Variants in CDH13 observed in about 807,000 individuals in gnomAD.
CDH13 encodes the protein cadherin 13, also known as cadherin-13.
A neutral mutation model predicts 63.8 loss-of-function variants in CDH13; 24 were observed. The observed-to-expected ratio is 0.38, with a 90% confidence interval of 0.27 to 0.53. CDH13 has a LOEUF of 0.53. Among genes scored for constraint, CDH13 ranks in the 20% least tolerant of loss-of-function variants. The probability of loss-of-function intolerance (pLI) is 0.85; values close to 1 mark genes in which losing one functional copy is unlikely to be tolerated. For missense variants in CDH13, 1,049 were observed against 903.1 expected (o/e 1.16, Z -2.07); for synonymous variants, 503 against 355.3 (o/e 1.42, Z -4.67).
intron 2 of CDH13, among the ~76,000 whole-genome samples, chr16:82,908,827 C>G (rs555159415): frequency 6.6e-6 from 1 of 152,310 alleles, no homozygotes; most frequent in African/African-American, 2.4e-5. Context: ...ACGGTTGACC[C>G]TTGAACTACA....
intron 8 of CDH13, among the ~76,000 whole-genome samples, chr16:83,606,594 A>T (rs1908352349): frequency 6.6e-6 from 1 of 151,522 alleles, no homozygotes; most frequent in Admixed American, 6.6e-5. Flanking sequence ...TACAAAAATT[A>T]TCCAGGCATG....
chr16:83,562,249 T>C (rs2075722208), intron 7 of CDH13, among the ~76,000 whole-genome samples: 1 of 152,160 alleles, frequency 6.6e-6, no homozygotes, highest in Non-Finnish European at 1.5e-5. Context: ...AAATTCTTGA[T>C]TGTGTTAGTG....
intron 1 of CDH13, among the ~76,000 whole-genome samples, chr16:82,795,514 G>T (rs997045010): frequency 6.6e-6 from 1 of 152,138 alleles, no homozygotes; most frequent in African/African-American, 2.4e-5. Context: ...CTGGCCACCT[G>T]TCCCACATTA....
chr16:83,360,285 G>A (rs1027129765), intron 6 of CDH13, among the ~76,000 whole-genome samples: 3 of 152,184 alleles, frequency 2.0e-5, no homozygotes, highest in Admixed American at 6.5e-5. Flanking sequence ...ACCACGTACG[G>A]AAAATACATC....
rs1050621691 is a variant in CDH13 at position 82,661,273 on chromosome 16, T to C, written c.45+34136T>C. On this transcript the variant is annotated intron_variant, in intron 1 of 13. Transcript: ENST00000567109. ...ACACGCTCTGTCCATTGAAACAGAT[T>C]AGCTCTGATCACAGCTTAATTATGT... Among the ~76,000 whole-genome samples the C allele has an allele frequency of 3.7e-4, 56 of 152,260 alleles. 3 individuals are homozygous for C. The highest frequency in any genetic ancestry group is 6.5e-5 in the Admixed American group (1 of 15,288).
intron 6 of CDH13, among the ~76,000 whole-genome samples, chr16:83,364,513 C>T (rs143665000): frequency 6.6e-6 from 1 of 152,186 alleles, no homozygotes; most frequent in African/African-American, 2.4e-5. Flanking sequence ...TTCACATCTT[C>T]TCTAAGACCA....
intron 7 of CDH13, among the ~76,000 whole-genome samples, chr16:83,588,337 G>A (rs1906379551): frequency 6.6e-6 from 1 of 152,128 alleles, no homozygotes; most frequent in African/African-American, 2.4e-5. Context: ...AGCAACCTGA[G>A]GCCAAATTTG....
In CDH13 at chr16:83,047,960, G is replaced by A. The variant is rs567250294; in HGVS notation, c.366+15742G>A. Among the ~76,000 whole-genome samples, 1 of 152,228 alleles carries A rather than the reference G, an allele frequency of 6.6e-6. No homozygotes were observed. Among genetic ancestry groups the A allele is most frequent in the Non-Finnish European group, 1.5e-5 (1 of 68,010 alleles). On this transcript the variant is annotated intron_variant, in intron 3 of 13. Coordinates refer to ENST00000567109, the MANE Select transcript of CDH13 (RefSeq NM_001257.5). The surrounding 1 kb of genome is among the most constrained non-coding windows in gnomAD (Gnocchi z 4.9). ...TAGAATATTTTGGAGACATATTTTT[G>A]CACTCAGACTCCTCAAAAAAACATT...
intron 11 of CDH13, among the ~76,000 whole-genome samples, chr16:83,772,246 G>A (rs895742757): frequency 2.4e-4 from 8 of 32,716 alleles, no homozygotes; most frequent in Admixed American, 1.5e-3. Context: ...AATCTATACT[G>A]GCTAAAGTCA....
At chr16:83,200,811 AT>A (rs2039004724) in intron 4 of CDH13, among the ~76,000 whole-genome samples, 1 of 152,152 alleles carries the variant, frequency 6.6e-6, no homozygotes. Context: ...CAACAACAAC[AT>A]ATTTTAGGTA....
At chr16:83,517,041 G>C (rs567733523) in intron 7 of CDH13, among the ~76,000 whole-genome samples, 1 of 152,202 alleles carries the variant, frequency 6.6e-6, no homozygotes, top group Admixed American at 6.5e-5. Context: ...ATTGACTGTC[G>C]TGTTTTCCCA....
At chr16:82,714,459 A>G (rs1415425261) in intron 1 of CDH13, among the ~76,000 whole-genome samples, 2 of 152,036 alleles carry the variant, frequency 1.3e-5, no homozygotes, top group Non-Finnish European at 2.9e-5. Flanking sequence ...CAGGCCTGTA[A>G]TCTCAGCACT....
intron 6 of CDH13, among the ~76,000 whole-genome samples, chr16:83,409,096 A>G (rs1169924612): frequency 6.6e-6 from 1 of 152,192 alleles, no homozygotes; most frequent in Non-Finnish European, 1.5e-5. Context: ...GGTACAGGAA[A>G]CACCAGTAGA....
intron 1 of CDH13, chr16:82,646,139 C>G (rs970998803): frequency 6.6e-6 from 1 of 152,238 alleles, no homozygotes; most frequent in African/African-American, 2.4e-5. Flanking sequence ...TGCCATCAAC[C>G]ATTTGGGCCT....
chr16:83,766,360 T>C (rs1026152477), intron 11 of CDH13, among the ~76,000 whole-genome samples: 2 of 152,242 alleles, frequency 1.3e-5, no homozygotes, highest in African/African-American at 2.4e-5. Flanking sequence ...ACAAAAATAA[T>C]TGTAGTTTTT....
chr16:83,651,123 G>C (rs1158857606), intron 8 of CDH13, among the ~76,000 whole-genome samples: 1 of 151,906 alleles, frequency 6.6e-6, no homozygotes, highest in African/African-American at 2.4e-5. Flanking sequence ...AATAAAAATA[G>C]TTGATCAGAA....
intron 1 of CDH13, among the ~76,000 whole-genome samples, chr16:82,749,506 C>G (rs1017153403): frequency 1.3e-5 from 2 of 152,250 alleles, no homozygotes; most frequent in Non-Finnish European, 2.9e-5. Context: ...TAACAGTGCT[C>G]TGAAGTATTA....
At chr16:83,358,376 C>T (rs1030174075) in intron 6 of CDH13, among the ~76,000 whole-genome samples, 5 of 152,228 alleles carry the variant, frequency 3.3e-5, no homozygotes, top group East Asian at 1.9e-4. Flanking sequence ...CTCTGTGACA[C>T]GGCCTCAAGG....
chr16:83,108,579 C>T (rs539368456), intron 3 of CDH13, among the ~76,000 whole-genome samples: 1 of 152,290 alleles, frequency 6.6e-6, no homozygotes, highest in African/African-American at 2.4e-5. Flanking sequence ...CCCATCCTCC[C>T]AGTGCACAGG....
Sources: allele counts gnomAD v4.1 joint callset (sites outside exome capture counted in the v4.1 genomes callset), GRCh38; gene constraint gnomAD v4.1.1; non-coding constraint Gnocchi (gnomAD v3.1); transcripts MANE v1.5; gene names NCBI Gene and HGNC (gene_info 2026-07-23, HGNC 2026-07-21).